IL13RA1: variants seen among roughly 807,000 people sequenced by gnomAD.
IL13RA1 encodes interleukin 13 receptor subunit alpha 1, also known as interleukin-13 receptor subunit alpha-1.
IL13RA1 carries 14 observed loss-of-function variants against 33.8 expected under a neutral mutation model. The observed-to-expected ratio is 0.41, with a 90% confidence interval of 0.27 to 0.65. IL13RA1 has a LOEUF of 0.65. Ranked by LOEUF, IL13RA1 falls within the 30% of genes least tolerant of loss-of-function variation. The probability of loss-of-function intolerance (pLI) is 0.28; values close to 1 mark genes in which losing one functional copy is unlikely to be tolerated. For synonymous variants in IL13RA1, 116 were observed against 115.7 expected, an observed-to-expected ratio of 1.00 and a Z score of -0.02; for missense variants, 313 against 327.0, an observed-to-expected ratio of 0.96 and a Z score of 0.33.
chrX:118,799,430 G>A (rs1259233106), downstream of IL13RA1, among the ~76,000 whole-genome samples: 1 of 113,280 alleles, frequency 8.8e-6, no homozygotes, highest in Non-Finnish European at 1.9e-5. Flanking sequence ...TGAGTCTGGT[G>A]GGGACGTGGA....
chrX:118,790,344 C>G (rs1018435019), intron 10 of IL13RA1, among the ~76,000 whole-genome samples: 2 of 112,400 alleles, frequency 1.8e-5, no homozygotes, highest in African/African-American at 6.5e-5. Flanking sequence ...GAGCAGTATT[C>G]TATAATATGG....
At chrX:118,787,301 G>A (rs908283929) in intron 10 of IL13RA1, among the ~76,000 whole-genome samples, 5 of 111,488 alleles carry the variant, frequency 4.5e-5, no homozygotes, top group African/African-American at 1.6e-4. Flanking sequence ...CCCCTAAGCC[G>A]TAAAACCAGC....
At chrX:118,738,983 T>G (rs1012037609) in intron 1 of IL13RA1, among the ~76,000 whole-genome samples, 2 of 109,877 alleles carry the variant, frequency 1.8e-5, no homozygotes, top group Non-Finnish European at 3.8e-5. Flanking sequence ...AGACGGTGTT[T>G]CGTTATGTTG....
chrX:118,737,946 G>A (rs1162583518), intron 1 of IL13RA1: 1 of 111,671 alleles, frequency 9.0e-6, no homozygotes, highest in Non-Finnish European at 1.9e-5. Flanking sequence ...TTTTATTGGA[G>A]GCTCTCTACC....
downstream of IL13RA1, among the ~76,000 whole-genome samples, chrX:118,795,146 C>T (rs2018020296): frequency 9.8e-6 from 1 of 102,155 alleles, no homozygotes; most frequent in African/African-American, 3.7e-5. Context: ...TGGCGTGAAC[C>T]CGGGAGGTGG....
chrX:118,761,861 A>G (rs1241440323), intron 6 of IL13RA1, among the ~76,000 whole-genome samples: 1 of 111,648 alleles, frequency 9.0e-6, no homozygotes, highest in Non-Finnish European at 1.9e-5. Flanking sequence ...CAGCAGATAC[A>G]GACTCTGAGG....
chrX:118,798,141 C>A (rs1410484920), downstream of IL13RA1, among the ~76,000 whole-genome samples: 2 of 111,714 alleles, frequency 1.8e-5, no homozygotes, highest in African/African-American at 6.5e-5. Flanking sequence ...AATTAGCTTG[C>A]TTTTATGCCT....
intron 9 of IL13RA1, among the ~76,000 whole-genome samples, chrX:118,775,831 TTAAA>T (rs1169294834): frequency 9.0e-6 from 1 of 111,621 alleles, no homozygotes; most frequent in Non-Finnish European, 1.9e-5. Context: ...AATAAGGATG[TTAAA>T]TAAGCGATTT....
At chrX:118,766,029 A>G (rs1343186948) in intron 6 of IL13RA1, among the ~76,000 whole-genome samples, 2 of 112,129 alleles carry the variant, frequency 1.8e-5, no homozygotes, top group African/African-American at 6.5e-5. Flanking sequence ...TTTGTCAGAA[A>G]TTGCAAATAT....
chrX:118,800,374 C>T, the IL13RA1 span, among the ~76,000 whole-genome samples: 2 of 110,896 alleles, frequency 1.8e-5, no homozygotes, highest in African/African-American at 3.3e-5. Context: ...ACTGCGAAGA[C>T]CTGCGGCTTC....
Position 118,793,482 on chromosome X carries a change from T to G in IL13RA1, c.*1628T>G, listed in dbSNP as rs1047945998. 2 of 111,731 alleles carry G rather than the reference T, an allele frequency of 1.8e-5. No homozygotes were observed. Among genetic ancestry groups the G allele is most frequent in the South Asian group, 3.8e-4 (1 of 2,647 alleles). 9.2% of individuals were successfully genotyped at this position (111,731 alleles called of 1,213,427 possible). A position where few individuals can be genotyped will look rare whatever the true frequency, so the allele number is the denominator to read the frequency against. On this transcript the variant is annotated 3_prime_UTR_variant, in exon 11 of 11. Coordinates refer to ENST00000371666, the MANE Select transcript of IL13RA1 (RefSeq NM_001560.3). ...CAGCCAGCCAAGGCTCTGTTTATGC[T>G]TTTGGGGGGCATATATTGGGTTCCA...
At chrX:118,748,005 T>TTGTGTGTGTG (rs61230421) in intron 3 of IL13RA1, among the ~76,000 whole-genome samples, 1,213 of 88,839 alleles carry the variant, frequency 0.014, 15 homozygotes, top group Non-Finnish European at 0.015. Flanking sequence ...AGAGTGAATG[T>TTGTGTGTGTG]TGTGTGTGTG....
At chrX:118,750,960 C>T (rs1220199763) in intron 4 of IL13RA1, among the ~76,000 whole-genome samples, 2 of 110,786 alleles carry the variant, frequency 1.8e-5, no homozygotes, top group Non-Finnish European at 1.9e-5. Flanking sequence ...GCATGCACCA[C>T]CATGCCTGGC....
chrX:118,776,983 GTATA>G (rs773756793), intron 10 of IL13RA1, among the ~76,000 whole-genome samples: 6 of 39,042 alleles, frequency 1.5e-4, no homozygotes, highest in South Asian at 2.4e-3. Flanking sequence ...ATATATGTGT[GTATA>G]TGTGTGTGTG....
intron 1 of IL13RA1, among the ~76,000 whole-genome samples, chrX:118,731,884 T>C (rs1450427065): frequency 1.8e-5 from 2 of 112,156 alleles, no homozygotes; most frequent in Non-Finnish European, 3.8e-5. Context: ...GTTGAAGTTA[T>C]ACACGAAGAG....
At position 118,791,881 on chromosome X, in the gene IL13RA1, T is replaced by C; in HGVS notation, c.*27T>C. Reference sequence around the variant, plus strand: ...GGAGATAATTTATTTTTACCTTCACTGTGACCTTGAGAAGATTCTTCCCAT... The same window carrying C: ...GGAGATAATTTATTTTTACCTTCACCGTGACCTTGAGAAGATTCTTCCCAT... On this transcript the variant is annotated 3_prime_UTR_variant, in exon 11 of 11. Coordinates refer to ENST00000371666, the MANE Select transcript of IL13RA1 (RefSeq NM_001560.3). 1 of 634,746 alleles carries C rather than the reference T, an allele frequency of 1.6e-6. No individual in the cohort carries two copies. 52.3% of individuals were successfully genotyped at this position (634,746 alleles called of 1,213,427 possible).
chrX:118,771,202 C>G (rs191310255), intron 8 of IL13RA1, among the ~76,000 whole-genome samples: 42 of 110,808 alleles, frequency 3.8e-4, no homozygotes, highest in African/African-American at 1.3e-3. Flanking sequence ...ATTGAGAGAC[C>G]TAGCAACATC....
At chrX:118,777,424 T>G (rs2017798549) in intron 10 of IL13RA1, among the ~76,000 whole-genome samples, 1 of 111,865 alleles carries the variant, frequency 8.9e-6, no homozygotes. Flanking sequence ...AGTTAAAAAG[T>G]CTTCAGAATA....
intron 1 of IL13RA1, among the ~76,000 whole-genome samples, chrX:118,736,980 G>A (rs2017289772): frequency 8.9e-6 from 1 of 112,533 alleles, no homozygotes; most frequent in Non-Finnish European, 1.9e-5. Context: ...AAGTGGAAAA[G>A]GAGAAAAATG....
Sources: allele counts gnomAD v4.1 joint callset (sites outside exome capture counted in the v4.1 genomes callset), GRCh38; gene constraint gnomAD v4.1.1; transcripts MANE v1.5; gene names NCBI Gene and HGNC (gene_info 2026-07-23, HGNC 2026-07-21).